The following SYCE3 variants were observed in gnomAD, a reference collection of about 807,000 sequenced individuals.
SYCE3 encodes synaptonemal complex central element protein 3, also known as testis highly expressed gene 2 protein.
In SYCE3, 3 loss-of-function variants were observed where a neutral mutation model predicts 8.1. The ratio of observed to expected loss-of-function variants is 0.37; its 90% CI spans 0.17 to 0.96. The LOEUF (loss-of-function observed/expected upper bound fraction) is 0.96. Ranked by LOEUF, SYCE3 falls within the 40% of genes least tolerant of loss-of-function variation. SYCE3 has a pLI of 0.41. For missense variants in SYCE3, 83 were observed against 110.0 expected (o/e 0.75, Z 1.10); for synonymous variants, 36 against 38.7 (o/e 0.93, Z 0.26).
rs368389026 is a variant in SYCE3, at chr22:50,551,344, G to A, written c.168C>T (p.Ala56=). The A allele has an allele frequency of 1.0e-3, 1,611 of 1,551,168 alleles. 42 individuals are homozygous for A. In the South Asian group the frequency reaches 0.018, roughly 17 times the overall value. Residue 56 remains alanine (A), a synonymous_variant, in exon 3 of 3, where the codon GCC becomes GCT. Coordinates refer to ENST00000406915, the MANE Select transcript of SYCE3 (RefSeq NM_001123225.3). ...MVVMRTNPTL[A]ESMRRLEDAF... ...CATCCTCCAGCCGACGCATGGACTC[G>A]GCCAGCGTAGGGTTGGTGCGCATCA...
intron 1 of SYCE3, among the ~76,000 whole-genome samples, chr22:50,557,307 C>A (rs1452082803): frequency 6.6e-6 from 1 of 152,048 alleles, no homozygotes; most frequent in South Asian, 2.1e-4. Flanking sequence ...CAGGCAAGTG[C>A]CACCACGCCC....
intron 2 of SYCE3, among the ~76,000 whole-genome samples, chr22:50,556,076 A>C (rs12160127): frequency 0.02 from 3,086 of 152,168 alleles, 118 homozygotes; most frequent in African/African-American, 0.07. Context: ...TACAGGAGTG[A>C]GCCACCGCGC....
chr22:50,559,128 C>T (rs867999805), intron 1 of SYCE3, among the ~76,000 whole-genome samples: 1 of 145,766 alleles, frequency 6.9e-6, no homozygotes, highest in African/African-American at 2.5e-5. Flanking sequence ...ACTACACACT[C>T]TTTTTTTTTT....
intron 1 of SYCE3, among the ~76,000 whole-genome samples, chr22:50,561,535 G>GGGAGGAGTGTGGGGCGGGAGCGTGGGGCC (rs2069916838): frequency 6.9e-6 from 1 of 144,304 alleles, no homozygotes; most frequent in Non-Finnish European, 1.5e-5. Flanking sequence ...AGCGTGGGGC[G>GGGAGGAGTGTGGGGCGGGAGCGTGGGGCC]GGAGGAGTGT....
chr22:50,559,559 A>G (rs1463787524), intron 1 of SYCE3, among the ~76,000 whole-genome samples: 1 of 152,222 alleles, frequency 6.6e-6, no homozygotes. Flanking sequence ...GGTGGAAAGC[A>G]TGGAACAGGG....
intron 1 of SYCE3, among the ~76,000 whole-genome samples, chr22:50,561,799 T>C (rs1202447831): frequency 6.6e-6 from 1 of 151,076 alleles, no homozygotes; most frequent in Non-Finnish European, 1.5e-5. Flanking sequence ...GCACCTGTGA[T>C]GTGGGAGAGA....
At chr22:50,554,898 G>A (rs568859747) in intron 2 of SYCE3, among the ~76,000 whole-genome samples, 74 of 151,480 alleles carry the variant, frequency 4.9e-4, no homozygotes, top group African/African-American at 1.7e-3. Context: ...CGAGACGGGC[G>A]GATCACGAGG....
chr22:50,555,488 C>T (rs1399767058), intron 2 of SYCE3, among the ~76,000 whole-genome samples: 1 of 152,164 alleles, frequency 6.6e-6, no homozygotes, highest in Non-Finnish European at 1.5e-5. Flanking sequence ...ATACCTGCCT[C>T]TCTTTTGGAA....
In SYCE3 at chr22:50,551,304, T is replaced by G. The variant is rs949429057; in HGVS notation, c.208A>C (p.Lys70Gln). 1 of 1,551,340 alleles carries G rather than the reference T, an allele frequency of 6.4e-7. No individual in the cohort carries two copies. The highest frequency in any genetic ancestry group is 8.7e-7 in the Non-Finnish European group (1 of 1,146,966). ...TGCCAGTTCTTCTCCATCTCCTCCT[T>G]GCAGTTGACGAAGGCATCCTCCAGC... ...RRLEDAFVNC[K>Q]EEMEKNWQEL... is the part of the protein sequence containing the mutation. The change falls in exon 3 of 3, where the codon AAG becomes CAG. Residue 70 changes from lysine (K) to glutamine (Q), a missense_variant. Lys to Gln is a moderately conservative substitution (Grantham distance 53, BLOSUM62 1). Coordinates refer to ENST00000406915, the MANE Select transcript of SYCE3 (RefSeq NM_001123225.3).
chr22:50,553,661 C>A (rs773745804), intron 2 of SYCE3, among the ~76,000 whole-genome samples: 5 of 152,146 alleles, frequency 3.3e-5, no homozygotes, highest in Non-Finnish European at 5.9e-5. Context: ...CGGCTCACTG[C>A]AAGTTCCGTC....
intron 1 of SYCE3, among the ~76,000 whole-genome samples, chr22:50,558,628 C>T (rs1390209115): frequency 2.0e-5 from 3 of 152,076 alleles, no homozygotes; most frequent in Non-Finnish European, 2.9e-5. Context: ...AGCCATTCCA[C>T]GTGCAGGGAC....
chr22:50,556,482 G>A (rs1253914554), intron 1 of SYCE3, 77 bp from the exon 2 acceptor site: 1 of 1,018,226 alleles, frequency 9.8e-7, no homozygotes, highest in Non-Finnish European at 1.5e-6. Context: ...ATAACTCAGT[G>A]ATTTCTCTAA....
At chr22:50,561,814 T>C (rs2069921446) in intron 1 of SYCE3, among the ~76,000 whole-genome samples, 2 of 150,524 alleles carry the variant, frequency 1.3e-5, no homozygotes, top group South Asian at 4.2e-4. Flanking sequence ...GAGAGAAGTC[T>C]TGGAGTTGGG....
At position 50,556,340 on chromosome 22, in the gene SYCE3, A is replaced by T; in HGVS notation, c.66T>A (p.Asn22Lys). The T allele has an allele frequency of 6.4e-7, 1 of 1,552,088 alleles. No individual in the cohort carries two copies. The highest frequency in any genetic ancestry group is 8.7e-7 in the Non-Finnish European group (1 of 1,147,066). Residue 22 changes from asparagine to lysine, a missense_variant, in exon 2 of 3, where the codon AAT (asparagine) becomes AAA (lysine). Physicochemically the swap from Asn to Lys is moderately conservative, Grantham distance 94. Transcript: ENST00000406915. ...DNMLKMLSDL[N>K]KDLEKLLEEM... ...CTTCTAATAGCTTTTCCAAGTCCTT[A>T]TTCAGATCTGACAGCATTTTCAGCA...
intron 1 of SYCE3, among the ~76,000 whole-genome samples, chr22:50,558,193 G>A (rs1416039119): frequency 1.3e-5 from 2 of 152,222 alleles, no homozygotes; most frequent in African/African-American, 2.4e-5. Flanking sequence ...GGAGGCCGAG[G>A]TGGGTGGATC....
chr22:50,561,925 G>A (rs928951127), intron 1 of SYCE3, among the ~76,000 whole-genome samples: 1 of 146,692 alleles, frequency 6.8e-6, no homozygotes, highest in Non-Finnish European at 1.5e-5. Flanking sequence ...CGGGGTCCCA[G>A]GTGTGGCAGG....
intron 2 of SYCE3, among the ~76,000 whole-genome samples, chr22:50,551,678 AC>A (rs2069811399): frequency 6.6e-6 from 1 of 152,220 alleles, no homozygotes. Flanking sequence ...CTGGTCTGAT[AC>A]GAAATGTGAG....
At chr22:50,554,666 C>G (rs2069841194) in intron 2 of SYCE3, among the ~76,000 whole-genome samples, 1 of 143,584 alleles carries the variant, frequency 7.0e-6, no homozygotes, top group African/African-American at 2.6e-5. Context: ...TGCATTCAAG[C>G]CTGGACGACA....
chr22:50,554,018 T>C (rs148066176), intron 2 of SYCE3, among the ~76,000 whole-genome samples: 12,697 of 151,506 alleles, frequency 0.084, 1,185 homozygotes, highest in African/African-American at 0.23. Flanking sequence ...ACGGGGAAAC[T>C]CCATCTCTAC....
Sources: gnomAD v4.1 joint callset for allele counts (sites outside exome capture counted in the v4.1 genomes callset) on GRCh38, gnomAD v4.1.1 for gene constraint, MANE v1.5 for transcripts, NCBI Gene and HGNC (gene_info 2026-07-23, HGNC 2026-07-21) for gene names.